NUB1: variants seen among roughly 807,000 people sequenced by gnomAD.
NUB1 encodes the protein negative regulator of ubiquitin like proteins 1.
A neutral mutation model predicts 77.1 loss-of-function variants in NUB1; 41 were observed. The ratio of observed to expected loss-of-function variants is 0.53; its 90% CI spans 0.41 to 0.69. The LOEUF (loss-of-function observed/expected upper bound fraction) is 0.69. Ranked by LOEUF, NUB1 falls within the 30% of genes least tolerant of loss-of-function variation. The pLI is 0.00. For synonymous variants in NUB1, 257 were observed against 281.0 expected, an observed-to-expected ratio of 0.91 and a Z score of 0.85; for missense variants, 643 against 743.8, an observed-to-expected ratio of 0.86 and a Z score of 1.58.
chr7:151,362,932 T>C (rs1485008601), intron 8 of NUB1, among the ~76,000 whole-genome samples: 1 of 152,234 alleles, frequency 6.6e-6, no homozygotes, highest in Non-Finnish European at 1.5e-5. Flanking sequence ...GGGCGTCAAA[T>C]AGAGTCTTCA....
Position 151,341,863 on chromosome 7 carries a change from C to T in NUB1, c.-3+17C>T. 1.3e-6 allele frequency: 2 copies of T among 1,495,242 alleles called. No individual in the cohort carries two copies. The highest frequency in any genetic ancestry group is 1.8e-6 in the Non-Finnish European group (2 of 1,131,666). The allele number at this position is 1,495,242 out of a possible 1,614,324, so 92.6% of individuals were successfully genotyped here. A position where few individuals can be genotyped will look rare whatever the true frequency, so the allele number is the denominator to read the frequency against. ...GTGGCGCAGGTGAGGACACGGCGGCCGAGTGTCCTCGACCCCAGCCTCAGC... is the reference window on the plus strand; with the variant it reads ...GTGGCGCAGGTGAGGACACGGCGGCTGAGTGTCCTCGACCCCAGCCTCAGC... On this transcript the variant is annotated intron_variant, in intron 1 of 14. Coordinates refer to ENST00000568733, the MANE Select transcript of NUB1 (RefSeq NM_001243351.2).
intron 8 of NUB1, 197 bp downstream of exon 8, chr7:151,360,444 G>T (rs755400034): frequency 5.3e-5 from 24 of 453,186 alleles, no homozygotes; most frequent in Non-Finnish European, 7.5e-5. Context: ...GTAAAGAAAA[G>T]AATTTTCAAG....
intron 11 of NUB1, chr7:151,369,120 G>A: frequency 3.0e-6 from 1 of 338,484 alleles, no homozygotes; most frequent in Non-Finnish European, 5.4e-6. Flanking sequence ...CAATTCTCGT[G>A]CCTCAGCCTC....
At chr7:151,369,610 G>C (rs563246591) in intron 11 of NUB1, among the ~76,000 whole-genome samples, 4 of 152,134 alleles carry the variant, frequency 2.6e-5, no homozygotes, top group Non-Finnish European at 5.9e-5. Flanking sequence ...TTAGAATTTT[G>C]GAGTTGGAAG....
rs1414793837 is a variant in NUB1 at position 151,355,924 on chromosome 7, G to A, written c.572G>A (p.Arg191Lys). The A allele has an allele frequency of 3.1e-6, 5 of 1,613,822 alleles. No individual in the cohort carries two copies. In the African/African-American group the frequency reaches 4.0e-5, roughly 13 times the overall value. The stretch of plus-strand genomic sequence containing the variant: ...GAAAAACAAATTCAGAGGACCAAGA[G>A]AGGACTAGAAATACTGGCAAAGAGA... Reference protein sequence around the residue: ...LKEKQIQRTKRGLEILAKRAA... With the variant: ...LKEKQIQRTKKGLEILAKRAA... The change falls in exon 6 of 15, where the codon AGA becomes AAA. Residue 191 changes from arginine (R) to lysine (K), a missense_variant. Coordinates refer to ENST00000568733, the MANE Select transcript of NUB1 (RefSeq NM_001243351.2).
chr7:151,359,442 CAA>C (rs59705983), intron 7 of NUB1, among the ~76,000 whole-genome samples: 4 of 109,248 alleles, frequency 3.7e-5, no homozygotes, highest in Admixed American at 1.0e-4. Flanking sequence ...GACTCTGTCT[CAA>C]AAAAAAAAAA....
chr7:151,344,617 G>A (rs1796392140), intron 1 of NUB1, among the ~76,000 whole-genome samples: 1 of 151,500 alleles, frequency 6.6e-6, no homozygotes, highest in Admixed American at 6.6e-5. Context: ...ACACCCATCC[G>A]AAAATATTTA....
chr7:151,363,035 C>T (rs1030027634), intron 8 of NUB1, among the ~76,000 whole-genome samples: 3 of 152,204 alleles, frequency 2.0e-5, no homozygotes, highest in Non-Finnish European at 2.9e-5. Flanking sequence ...TTACCGTTTT[C>T]AAATAAGTGC....
chr7:151,345,570 A>G (rs1475730653), intron 2 of NUB1, 104 bp downstream of exon 2: 1 of 650,684 alleles, frequency 1.5e-6, no homozygotes. Flanking sequence ...TGGCATAACC[A>G]AAAGCATTAG....
rs779938743 is a variant in NUB1, at chr7:151,375,875, T to A, written c.1423T>A (p.Trp475Arg). The A allele has an allele frequency of 1.5e-5, 24 of 1,612,726 alleles. No individual in the cohort carries two copies. The highest frequency in any genetic ancestry group is 3.3e-4 in the Middle Eastern group (2 of 6,056). Residue 475 changes from tryptophan to arginine, a missense_variant, in exon 13 of 15, where the codon TGG becomes AGG. Trp to Arg is a moderately radical substitution (Grantham distance 101, BLOSUM62 -3). Coordinates refer to ENST00000568733, the MANE Select transcript of NUB1 (RefSeq NM_001243351.2). The part of the protein sequence containing the change: ...KILLSNPQMW[W>R]LNDSNPETDN... ...TCTGCTCAGCAATCCTCAGATGTGG[T>A]GGTTAAATGATTCCAATCCTGAAAC...
At chr7:151,351,997 T>C (rs1211436131) in intron 4 of NUB1, 1 of 428,936 alleles carries the variant, frequency 2.3e-6, no homozygotes, top group African/African-American at 2.0e-5. Flanking sequence ...CATCTCCTTG[T>C]ATGTTTTAAA....
intron 4 of NUB1, among the ~76,000 whole-genome samples, chr7:151,351,895 A>T (rs1248860049): frequency 1.5e-5 from 2 of 129,260 alleles, no homozygotes; most frequent in East Asian, 4.7e-4. Flanking sequence ...ATCTGATTTC[A>T]GGCTGTTGGC....
chr7:151,369,479 G>T (rs1025993568), intron 11 of NUB1, among the ~76,000 whole-genome samples: 1 of 152,094 alleles, frequency 6.6e-6, no homozygotes, highest in Non-Finnish European at 1.5e-5. Flanking sequence ...TATTAAAGTT[G>T]GGGATTGCAT....
chr7:151,351,987 C>A, intron 4 of NUB1: 3 of 405,702 alleles, frequency 7.4e-6, no homozygotes, highest in Non-Finnish European at 1.5e-5. Flanking sequence ...TGGGTTATTT[C>A]ATCTCCTTGT....
At chr7:151,344,097 C>G (rs1371679052) in intron 1 of NUB1, among the ~76,000 whole-genome samples, 1 of 133,686 alleles carries the variant, frequency 7.5e-6, no homozygotes, top group African/African-American at 2.8e-5. Context: ...AGGAGAATGG[C>G]GTGAACCCGG....
chr7:151,360,055 T>C (rs1298292220), intron 7 of NUB1, 86 bp from the exon 8 acceptor site: 1 of 619,754 alleles, frequency 1.6e-6, no homozygotes, highest in East Asian at 2.8e-5. Context: ...TTTTTTACTT[T>C]GTTTTTTAAA....
chr7:151,357,983 T>G (rs867619237), intron 7 of NUB1, among the ~76,000 whole-genome samples: 114 of 151,936 alleles, frequency 7.5e-4, no homozygotes, highest in African/African-American at 2.4e-3. Context: ...TTGTCTTTTT[T>G]TGTGTGTGTG....
chr7:151,362,552 G>C (rs1187384636), intron 8 of NUB1, among the ~76,000 whole-genome samples: 1 of 152,222 alleles, frequency 6.6e-6, no homozygotes, highest in East Asian at 1.9e-4. Context: ...CTTCCTGGCA[G>C]TGCAGAACGG....
chr7:151,358,443 AG>A (rs199588953), intron 7 of NUB1, among the ~76,000 whole-genome samples: 2,080 of 152,320 alleles, frequency 0.014, 47 homozygotes, highest in African/African-American at 0.048. Context: ...GGTGAGCAGC[AG>A]GCAAGTGAGC....
Sources: gnomAD v4.1 joint callset for allele counts (sites outside exome capture counted in the v4.1 genomes callset) on GRCh38, gnomAD v4.1.1 for gene constraint, MANE v1.5 for transcripts, NCBI Gene and HGNC (gene_info 2026-07-23, HGNC 2026-07-21) for gene names.